Variants in ULK4 observed in about 807,000 individuals in gnomAD.
ULK4 encodes the protein inactive serine/threonine-protein kinase ULK4.
Under a neutral mutation model 160.6 loss-of-function variants are expected in ULK4, and 133 were observed. The ratio of observed to expected loss-of-function variants is 0.83; its 90% CI spans 0.72 to 0.96. ULK4 has a LOEUF of 0.96. ULK4 is among the 40% of genes least tolerant of loss of function. The pLI, the probability that ULK4 is intolerant of heterozygous loss-of-function variation, is 0.00. For missense variants in ULK4, 1,580 were observed against 1,499.5 expected, an observed-to-expected ratio of 1.05 and a Z score of -0.89; for synonymous variants, 534 against 539.8, an observed-to-expected ratio of 0.99 and a Z score of 0.15.
intron 31 of ULK4, among the ~76,000 whole-genome samples, chr3:41,589,861 TAAAGACCAG>T (rs2031146692): frequency 6.6e-6 from 1 of 151,660 alleles, no homozygotes. Flanking sequence ...GTCAAAAAAA[TAAAGACCAG>T]AAATGACAAA....
At chr3:41,662,931 A>T (rs1174618222) in intron 30 of ULK4, among the ~76,000 whole-genome samples, 3 of 151,912 alleles carry the variant, frequency 2.0e-5, no homozygotes, top group Non-Finnish European at 2.9e-5. Context: ...AAAAAAAAAA[A>T]GTATGTCGGC....
chr3:41,856,539 A>ATATATATATACATATATATATATG (rs2042348646), intron 17 of ULK4, among the ~76,000 whole-genome samples: 2 of 87,878 alleles, frequency 2.3e-5, no homozygotes, highest in African/African-American at 1.3e-4. Context: ...ATATGTATGT[A>ATATATATATACATATATATATATG]TATATATATG....
At chr3:41,650,175 A>G (rs1379484752) in intron 30 of ULK4, among the ~76,000 whole-genome samples, 2 of 152,182 alleles carry the variant, frequency 1.3e-5, no homozygotes, top group East Asian at 3.9e-4. Flanking sequence ...CACTCAGTGA[A>G]GCTCCTCTCC....
intron 32 of ULK4, among the ~76,000 whole-genome samples, chr3:41,551,416 T>C (rs75839086): frequency 6.6e-6 from 1 of 151,006 alleles, no homozygotes; most frequent in Non-Finnish European, 1.5e-5. Flanking sequence ...AAGATCCAAA[T>C]AAAATCAGAA....
At chr3:41,780,741 G>T (rs2039812775) in intron 21 of ULK4, among the ~76,000 whole-genome samples, 1 of 152,098 alleles carries the variant, frequency 6.6e-6, no homozygotes, top group African/African-American at 2.4e-5. Flanking sequence ...CTGCACTTAG[G>T]GAACCCCAAA....
chr3:41,340,923 C>G (rs2080668966), intron 35 of ULK4, among the ~76,000 whole-genome samples: 1 of 152,132 alleles, frequency 6.6e-6, no homozygotes. Context: ...ACACAGGGGA[C>G]AAAGGAGCAA....
chr3:41,666,529 A>C (rs543017687), intron 29 of ULK4, among the ~76,000 whole-genome samples: 3 of 152,368 alleles, frequency 2.0e-5, no homozygotes, highest in Non-Finnish European at 4.4e-5. Context: ...ACTGCTTACC[A>C]GTATTTGGAA....
chr3:41,959,698 G>A (rs1168372674), intron 1 of ULK4, among the ~76,000 whole-genome samples: 2 of 151,926 alleles, frequency 1.3e-5, no homozygotes, highest in East Asian at 1.9e-4. Context: ...CAACGCTTTC[G>A]GAGGTGGAGG....
chr3:41,368,085 T>C (rs529501880), intron 35 of ULK4, among the ~76,000 whole-genome samples: 1 of 152,140 alleles, frequency 6.6e-6, no homozygotes, highest in African/African-American at 2.4e-5. Flanking sequence ...TCTCACTCTG[T>C]TGCCCAGACT....
intron 22 of ULK4, among the ~76,000 whole-genome samples, chr3:41,732,149 G>C (rs1359132757): frequency 6.6e-6 from 1 of 152,180 alleles, no homozygotes; most frequent in Non-Finnish European, 1.5e-5. Context: ...AAACTAAAAA[G>C]CTTCTGCACA....
intron 34 of ULK4, among the ~76,000 whole-genome samples, chr3:41,406,916 G>C (rs1311030752): frequency 1.3e-5 from 2 of 152,226 alleles, no homozygotes; most frequent in African/African-American, 4.8e-5. Flanking sequence ...AATAGGGTGA[G>C]AGGTCTCCTA....
chr3:41,763,089 C>T (rs9311288), intron 21 of ULK4, among the ~76,000 whole-genome samples: 3 of 151,824 alleles, frequency 2.0e-5, no homozygotes, highest in African/African-American at 4.8e-5. Context: ...TCCACACGTG[C>T]GAATTACAAT....
intron 22 of ULK4, among the ~76,000 whole-genome samples, chr3:41,724,775 A>T (rs1299333007): frequency 1.3e-4 from 20 of 152,112 alleles, no homozygotes; most frequent in Admixed American, 1.3e-3. Context: ...CCAAAACCCT[A>T]CATTATCAGG....
intron 35 of ULK4, among the ~76,000 whole-genome samples, chr3:41,375,173 A>G (rs1279479681): frequency 2.6e-5 from 4 of 152,226 alleles, no homozygotes; most frequent in East Asian, 1.9e-4. Flanking sequence ...GGTCATGGAT[A>G]AGAAAAATCA....
intron 30 of ULK4, among the ~76,000 whole-genome samples, chr3:41,631,262 T>C (rs568020070): frequency 1.3e-4 from 20 of 152,302 alleles, no homozygotes; most frequent in African/African-American, 4.8e-4. Flanking sequence ...TTCAGCAGCG[T>C]TAGTATAAAT....
At chr3:41,518,498 T>G (rs2085823312) in intron 32 of ULK4, among the ~76,000 whole-genome samples, 1 of 152,212 alleles carries the variant, frequency 6.6e-6, no homozygotes, top group Non-Finnish European at 1.5e-5. Context: ...AGGTTGACTA[T>G]TAGCTTTGTT....
At chr3:41,804,732 A>G (rs187825876) in intron 19 of ULK4, among the ~76,000 whole-genome samples, 1 of 152,284 alleles carries the variant, frequency 6.6e-6, no homozygotes, top group African/African-American at 2.4e-5. Flanking sequence ...TCATTTATTA[A>G]ATAGGGAATG....
chr3:41,317,140 A>T (rs1221484753), intron 35 of ULK4, among the ~76,000 whole-genome samples: 3 of 132,970 alleles, frequency 2.3e-5, no homozygotes, highest in Non-Finnish European at 4.6e-5. Context: ...CAGTGGCGCA[A>T]TCTCGGCTCA....
intron 35 of ULK4, among the ~76,000 whole-genome samples, chr3:41,329,924 T>C (rs2080410232): frequency 6.6e-6 from 1 of 152,244 alleles, no homozygotes; most frequent in African/African-American, 2.4e-5. Context: ...ATGAGATTAC[T>C]GACCTGAATT....
Sources: gnomAD v4.1 joint callset for allele counts (sites outside exome capture counted in the v4.1 genomes callset) on GRCh38, gnomAD v4.1.1 for gene constraint, MANE v1.5 for transcripts, NCBI Gene and HGNC (gene_info 2026-07-23, HGNC 2026-07-21) for gene names.